Variants in NEXMIF observed in about 807,000 individuals in gnomAD.
The protein encoded by NEXMIF is neurite extension and migration factor, also known as XLMR protein related to neurite extension.
Under a neutral mutation model 62.1 loss-of-function variants are expected in NEXMIF, and 8 were observed. That is an observed-to-expected ratio of 0.13 (90% CI 0.08 to 0.23). The LOEUF is 0.23. Among genes scored for constraint, NEXMIF ranks in the 10% least tolerant of loss-of-function variants. The probability of loss-of-function intolerance (pLI) is 1.00; values close to 1 mark genes in which losing one functional copy is unlikely to be tolerated. For synonymous variants in NEXMIF, 404 were observed against 416.6 expected (o/e 0.97, Z 0.37); for missense variants, 976 against 1,113.3 (o/e 0.88, Z 1.75).
In NEXMIF at chrX:74,742,683, G is replaced by C; in HGVS notation, c.1874C>G (p.Ala625Gly). Residue 625 changes from alanine (A) to glycine (G), a missense_variant, in exon 3 of 4, where the codon GCT (alanine) becomes GGT (glycine). Around this residue, in one of 5 missense-constraint regions of NEXMIF, gnomAD observed 639 missense variants for 694.5 expected, o/e 0.92. Coordinates refer to ENST00000055682, the MANE Select transcript of NEXMIF (RefSeq NM_001008537.3). The part of the protein sequence containing the change: ...GSFEVSFLPP[A>G]RKRKSKLGNR... ...GCCAAGTTTAGATTTTCGTTTGCGA[G>C]CAGGTGGCAGAAATGACACCTCAAA... The C allele has an allele frequency of 2.5e-6, 3 of 1,211,115 alleles. No individual in the cohort carries two copies. Among genetic ancestry groups the C allele is most frequent in the South Asian group, 1.8e-5 (1 of 56,867 alleles).
chrX:74,867,154 T>G (rs1045168487), intron 1 of NEXMIF, among the ~76,000 whole-genome samples: 1 of 111,751 alleles, frequency 8.9e-6, no homozygotes, highest in Non-Finnish European at 1.9e-5. Flanking sequence ...GAAAAAACAT[T>G]CCATGCTCAT....
intron 1 of NEXMIF, among the ~76,000 whole-genome samples, chrX:74,815,140 TTTAGA>T (rs368689869): frequency 7.5e-4 from 84 of 112,558 alleles, no homozygotes; most frequent in African/African-American, 2.5e-3. Context: ...TTTTACATTA[TTTAGA>T]TTAATTTTCC....
Position 74,743,651 on chromosome X carries a change from T to C in NEXMIF, c.906A>G (p.Thr302=). 8.3e-7 allele frequency: 1 copy of C among 1,211,274 alleles called. No individual in the cohort carries two copies. The highest frequency in any genetic ancestry group is 1.1e-6 in the Non-Finnish European group (1 of 894,856). The change falls in exon 3 of 4, where the codon ACA becomes ACG. Residue 302 remains threonine, a synonymous_variant. Coordinates refer to ENST00000055682, the MANE Select transcript of NEXMIF (RefSeq NM_001008537.3). ...TCAGGGAGCAGACATCACTGCCTAG[T>C]GTTGATTCATCATCATCAAACATGT... ...DNYMFDDDES[T]LGSDVCSLKI...
intron 1 of NEXMIF, among the ~76,000 whole-genome samples, chrX:74,856,495 C>G (rs904303996): frequency 9.0e-6 from 1 of 110,860 alleles, no homozygotes; most frequent in Non-Finnish European, 1.9e-5. Flanking sequence ...AGAAAAAGGA[C>G]GAAAAGAATA....
At position 74,743,316 on chromosome X, in the gene NEXMIF, C is replaced by T; in HGVS notation, c.1241G>A (p.Ser414Asn). The change falls in exon 3 of 4, where the codon AGT (serine) becomes AAT (asparagine). Residue 414 changes from serine (S) to asparagine (N), a missense_variant. This residue lies in a region of NEXMIF where 639 missense variants were observed against 694.5 expected (regional missense o/e 0.92). Transcript: ENST00000055682. ...GEKPALNKPC[S>N]GTEVEQLKNP... ...CTTAAGTTGCTCTACTTCAGTCCCA[C>T]TGCATGGTTTATTTAAGGCAGGCTT... The T allele has an allele frequency of 8.3e-7, 1 of 1,211,578 alleles. No homozygotes were observed. The highest frequency in any genetic ancestry group is 1.1e-6 in the Non-Finnish European group (1 of 895,312).
intron 1 of NEXMIF, among the ~76,000 whole-genome samples, chrX:74,870,118 A>AC (rs1391934636): frequency 4.5e-5 from 5 of 111,603 alleles, no homozygotes; most frequent in Non-Finnish European, 9.4e-5. Flanking sequence ...TGTCATAAAA[A>AC]ACAGATACAT....
At chrX:74,763,981 C>G (rs1216633596) in intron 1 of NEXMIF, among the ~76,000 whole-genome samples, 2 of 111,267 alleles carry the variant, frequency 1.8e-5, no homozygotes, top group East Asian at 5.7e-4. Context: ...CCTGATTGCC[C>G]TGGCCAGAAT....
intron 1 of NEXMIF, among the ~76,000 whole-genome samples, chrX:74,893,580 A>T (rs2080724237): frequency 8.9e-6 from 1 of 112,352 alleles, no homozygotes; most frequent in South Asian, 3.7e-4. Flanking sequence ...GGAGAGAAAG[A>T]AGAGATAAAA....
At chrX:74,865,302 G>A (rs776205444) in intron 1 of NEXMIF, among the ~76,000 whole-genome samples, 1 of 111,669 alleles carries the variant, frequency 9.0e-6, no homozygotes, top group African/African-American at 3.3e-5. Flanking sequence ...TTGGGAACTG[G>A]AGGGAAAGTG....
Position 74,742,788 on chromosome X carries a change from T to A in NEXMIF, c.1769A>T (p.Lys590Met). Residue 590 changes from lysine to methionine, a missense_variant, in exon 3 of 4, where the codon AAG becomes ATG. This residue lies in a region of NEXMIF where 639 missense variants were observed against 694.5 expected (regional missense o/e 0.92). Coordinates refer to ENST00000055682, the MANE Select transcript of NEXMIF (RefSeq NM_001008537.3). ...KLAPLKGFWQ[K>M]KKKQRNTNTD... is the part of the protein sequence containing the mutation. ...GTTGGTGTTTCTCTGCTTCTTCTTC[T>A]TTTGCCAGAAGCCTTTCAAGGGTGC... The A allele has an allele frequency of 8.3e-7, 1 of 1,211,469 alleles. No individual in the cohort carries two copies. Among genetic ancestry groups the A allele is most frequent in the Non-Finnish European group, 1.1e-6 (1 of 895,418 alleles).
chrX:74,878,456 T>C (rs1313574833), intron 1 of NEXMIF, among the ~76,000 whole-genome samples: 1 of 112,746 alleles, frequency 8.9e-6, no homozygotes, highest in Non-Finnish European at 1.9e-5. Context: ...GTGTGTGCCC[T>C]GCCCCCAGAG....
chrX:74,861,201 C>T (rs768315193), intron 1 of NEXMIF, among the ~76,000 whole-genome samples: 45 of 111,472 alleles, frequency 4.0e-4, no homozygotes, highest in Non-Finnish European at 4.3e-4. Context: ...AATGCAACCA[C>T]AAGTATCAGT....
chrX:74,892,272 G>T (rs886378455), intron 1 of NEXMIF, among the ~76,000 whole-genome samples: 5 of 112,013 alleles, frequency 4.5e-5, no homozygotes, highest in African/African-American at 1.6e-4. Context: ...GGGCACCAGG[G>T]GAAAACAAAA....
chrX:74,830,440 T>G (rs1281188580), intron 1 of NEXMIF, among the ~76,000 whole-genome samples: 1 of 111,769 alleles, frequency 8.9e-6, no homozygotes, highest in East Asian at 2.8e-4. Context: ...CCTTGCTGTT[T>G]TGGTTACCAT....
intron 1 of NEXMIF, among the ~76,000 whole-genome samples, chrX:74,838,007 G>A (rs953709781): frequency 9.0e-6 from 1 of 111,582 alleles, no homozygotes; most frequent in Non-Finnish European, 1.9e-5. Flanking sequence ...AGAACATAGT[G>A]CCCATTGTGG....
intron 1 of NEXMIF, among the ~76,000 whole-genome samples, chrX:74,827,525 T>A (rs2080422583): frequency 8.9e-6 from 1 of 112,407 alleles, no homozygotes; most frequent in African/African-American, 3.2e-5. Context: ...GATGCCTTAG[T>A]TTCATTGCCC....
intron 1 of NEXMIF, among the ~76,000 whole-genome samples, chrX:74,750,326 T>C (rs184278842): frequency 2.9e-4 from 32 of 111,729 alleles, no homozygotes; most frequent in African/African-American, 9.1e-4. Flanking sequence ...TCATGGGTGG[T>C]TGGATTCCAG....
At chrX:74,812,032 C>T (rs2080362083) in intron 1 of NEXMIF, among the ~76,000 whole-genome samples, 1 of 112,841 alleles carries the variant, frequency 8.9e-6, no homozygotes. Flanking sequence ...CTCCTCTAAC[C>T]AGGTTACCTG....
chrX:74,743,512 C>G lies in NEXMIF; in HGVS notation c.1045G>C (p.Glu349Gln). ...TGCTTCAGGGCCCCACTCTTAGACT[C>G]TCGCTTGGGGCAGGTAGTAAAGACG... ...PSVFTTCPKR[E>Q]SKSGALKQSS... Residue 349 changes from glutamate to glutamine, a missense_variant, in exon 3 of 4, where the codon GAG becomes CAG. Physicochemically the swap from Glu to Gln is conservative, Grantham distance 29 (BLOSUM62 2). Around this residue, in one of 5 missense-constraint regions of NEXMIF, gnomAD observed 639 missense variants for 694.5 expected, o/e 0.92. Coordinates refer to ENST00000055682, the MANE Select transcript of NEXMIF (RefSeq NM_001008537.3). 2.5e-6 allele frequency: 3 copies of G among 1,211,455 alleles called. No homozygotes were observed. The highest frequency in any genetic ancestry group is 3.4e-6 in the Non-Finnish European group (3 of 895,474).
Sources: gnomAD v4.1 joint callset for allele counts (sites outside exome capture counted in the v4.1 genomes callset) on GRCh38, gnomAD v4.1.1 for gene constraint, gnomAD v4.1.1 regional missense constraint, MANE v1.5 for transcripts, NCBI Gene and HGNC (gene_info 2026-07-23, HGNC 2026-07-21) for gene names.